Variants in ERC1 observed in about 807,000 individuals in gnomAD.
ERC1 encodes the protein ELKS/RAB6-interacting/CAST family member 1, also known as RAB6 interacting protein 2.
A neutral mutation model predicts 132.0 loss-of-function variants in ERC1; 56 were observed. The ratio of observed to expected loss-of-function variants is 0.42; its 90% CI spans 0.34 to 0.53. The LOEUF (loss-of-function observed/expected upper bound fraction) is 0.53, where lower values mean the gene tolerates loss of function less well. ERC1 is among the 20% of genes least tolerant of loss of function. The pLI, the probability that ERC1 is intolerant of heterozygous loss-of-function variation, is 0.03. For missense variants in ERC1, 1,202 were observed against 1,349.9 expected (o/e 0.89, Z 1.72); for synonymous variants, 478 against 476.1 (o/e 1.00, Z -0.05).
chr12:1,270,154 T>C (rs1033375173), intron 14 of ERC1, among the ~76,000 whole-genome samples: 19 of 152,310 alleles, frequency 1.2e-4, no homozygotes, highest in African/African-American at 4.3e-4. Flanking sequence ...TGAAGGTTTC[T>C]TAGTGCTTAC....
intron 15 of ERC1, among the ~76,000 whole-genome samples, chr12:1,344,202 T>C (rs186995077): frequency 1.1e-3 from 172 of 152,330 alleles, no homozygotes; most frequent in Non-Finnish European, 2.3e-3. Flanking sequence ...AATACTTTTA[T>C]GGGACTCAAA....
At chr12:1,179,984 GA>G (rs892250991) in intron 8 of ERC1, among the ~76,000 whole-genome samples, 2 of 152,202 alleles carry the variant, frequency 1.3e-5, no homozygotes, top group African/African-American at 4.8e-5. Context: ...GAATGGCTAA[GA>G]AAATGTTTGC....
chr12:1,298,536 C>G (rs991035696), intron 15 of ERC1, among the ~76,000 whole-genome samples: 2 of 124,578 alleles, frequency 1.6e-5, no homozygotes, highest in South Asian at 2.6e-4. Flanking sequence ...GAACGAGACT[C>G]TGTCACAAAA....
intron 14 of ERC1, among the ~76,000 whole-genome samples, chr12:1,283,982 A>G (rs780098029): frequency 1.3e-5 from 2 of 152,184 alleles, no homozygotes; most frequent in Non-Finnish European, 2.9e-5. Flanking sequence ...CTACTGTGCT[A>G]TTGAACACTA....
At chr12:1,022,910 G>A (rs1001847560) in intron 1 of ERC1, among the ~76,000 whole-genome samples, 2 of 152,098 alleles carry the variant, frequency 1.3e-5, no homozygotes, top group African/African-American at 4.8e-5. Context: ...TAGCCACCGC[G>A]CCCAGCCTAG....
intron 12 of ERC1, among the ~76,000 whole-genome samples, chr12:1,195,349 C>T (rs536737565): frequency 6.6e-6 from 1 of 152,294 alleles, no homozygotes; most frequent in East Asian, 1.9e-4. Flanking sequence ...TTCAGTTTCT[C>T]CCTTTTGCCT....
chr12:1,451,877 G>T (rs367751028), intron 18 of ERC1, among the ~76,000 whole-genome samples: 7 of 152,250 alleles, frequency 4.6e-5, no homozygotes, highest in African/African-American at 1.7e-4. Context: ...AAGTTAAAAT[G>T]AGGCCATTAG....
intron 17 of ERC1, among the ~76,000 whole-genome samples, chr12:1,418,662 TTTCTTTTCTTTCTTTC>T (rs2092285131): frequency 3.5e-5 from 4 of 112,812 alleles, no homozygotes; most frequent in African/African-American, 1.4e-4. Flanking sequence ...TCTCTCTCTC[TTTCTTTTCTTTCTTTC>T]TTTCTTTCTT....
rs1357369453 is a variant in ERC1 at position 1,122,563 on chromosome 12, C to A, written c.1569+6530C>A. Among the ~76,000 whole-genome samples, 11 of 19,458 alleles carry A rather than the reference C, an allele frequency of 5.7e-4. 2 individuals carry two copies. Among genetic ancestry groups the A allele is most frequent in the African/African-American group, 1.2e-3 (7 of 5,972 alleles). The allele number at this position is 19,458 out of a possible 152,430, so 12.8% of individuals were successfully genotyped here. ...TCTATCTGTGTCTCTATCTCTATCT[C>A]TATCTGTGTCTCTATCTCTATCTCT... On this transcript the variant is annotated intron_variant, in intron 7 of 18. Coordinates refer to ENST00000360905, the MANE Select transcript of ERC1 (RefSeq NM_178040.4).
Position 1,256,580 on chromosome 12 carries a change from C to T in ERC1, c.2488-6454C>T, listed in dbSNP as rs1010484917. Among the ~76,000 whole-genome samples, 6 of 150,526 alleles carry T rather than the reference C, an allele frequency of 4.0e-5. 1 individual carries two copies. Among genetic ancestry groups the T allele is most frequent in the African/African-American group, 1.2e-4 (5 of 40,572 alleles). ...GATGATTGGCCTATCACTGAGTATT[C>T]TTGGTGTTGAACTATTTATGAATAC... On this transcript the variant is annotated intron_variant, in intron 13 of 18. Transcript: ENST00000360905.
At chr12:1,064,136 A>ATTCTC (rs1938612415) in intron 2 of ERC1, among the ~76,000 whole-genome samples, 7 of 152,096 alleles carry the variant, frequency 4.6e-5, no homozygotes, top group Non-Finnish European at 1.0e-4. Flanking sequence ...CTGACTTGTA[A>ATTCTC]AGTTTCTGCT....
chr12:1,217,156 A>G (rs11829479), intron 12 of ERC1, among the ~76,000 whole-genome samples: 5,974 of 152,258 alleles, frequency 0.039, 144 homozygotes, highest in South Asian at 0.066. Context: ...TTAAACAGTG[A>G]AAAAAGTTGA....
intron 3 of ERC1, among the ~76,000 whole-genome samples, chr12:1,097,230 T>C (rs943246479): frequency 6.6e-6 from 1 of 152,172 alleles, no homozygotes; most frequent in African/African-American, 2.4e-5. Flanking sequence ...CTACTTCGTG[T>C]GTATAGAATT....
At chr12:1,036,531 C>T (rs745893829) in intron 2 of ERC1, among the ~76,000 whole-genome samples, 3 of 151,798 alleles carry the variant, frequency 2.0e-5, no homozygotes, top group African/African-American at 2.4e-5. Context: ...CACGCCACCA[C>T]GCCCGGCTAA....
intron 8 of ERC1, among the ~76,000 whole-genome samples, chr12:1,171,568 G>A (rs1447692522): frequency 6.6e-6 from 1 of 151,856 alleles, no homozygotes; most frequent in Non-Finnish European, 1.5e-5. Context: ...AATACTGAAA[G>A]GTATTATTAA....
Position 1,256,418 on chromosome 12 carries a change from TAAAAAAAAA to T in ERC1, c.2488-6607_2488-6599del, listed in dbSNP as rs796558976. Among the ~76,000 whole-genome samples the T allele has an allele frequency of 7.5e-4, 93 of 123,662 alleles. 4 individuals are homozygous for T. Among genetic ancestry groups the T allele is most frequent in the African/African-American group, 2.7e-3 (89 of 32,534 alleles). The allele number at this position is 123,662 out of a possible 152,430, so 81.1% of individuals were successfully genotyped here. A position where few individuals can be genotyped will look rare whatever the true frequency, so the allele number is the denominator to read the frequency against. On this transcript the variant is annotated intron_variant, in intron 13 of 18. Transcript: ENST00000360905. ...GACTCTGAGTATTTCGTTCTCAGAC[TAAAAAAAAA>T]AAAAAAAAGTTGATTCCCCAAACAG...
intron 17 of ERC1, among the ~76,000 whole-genome samples, chr12:1,438,470 T>G (rs1297389837): frequency 6.6e-6 from 1 of 152,160 alleles, no homozygotes; most frequent in East Asian, 1.9e-4. Context: ...CACTAACATT[T>G]ATGCAGTTAA....
intron 1 of ERC1, among the ~76,000 whole-genome samples, chr12:1,000,986 C>T (rs530536823): frequency 5.3e-5 from 8 of 152,218 alleles, no homozygotes; most frequent in Admixed American, 2.0e-4. Flanking sequence ...TCTCGTCTCA[C>T]GGCACCTCCC....
chr12:1,196,951 CACACACACACATATAT>C lies in ERC1; in HGVS notation c.2351+6901_2351+6916del, dbSNP rs1328969454. 2.4e-3 allele frequency among the ~76,000 whole-genome samples: 84 copies of C among 35,552 alleles called. 4 individuals carry two copies. The highest frequency in any genetic ancestry group is 8.0e-3 in the African/African-American group (19 of 2,372). The allele number at this position is 35,552 out of a possible 152,430, so 23.3% of individuals were successfully genotyped here. A position where few individuals can be genotyped will look rare whatever the true frequency, so the allele number is the denominator to read the frequency against. On this transcript the variant is annotated intron_variant, in intron 12 of 18. Transcript: ENST00000360905. ...ACACACACACACACACACACACACACACACACACACATATATATATATATATTTTTTTTTTTTTTTT... is the reference window on the plus strand; with the variant it reads ...ACACACACACACACACACACACACACATATATATATTTTTTTTTTTTTTTT...
Sources: gnomAD v4.1 joint callset for allele counts (sites outside exome capture counted in the v4.1 genomes callset) on GRCh38, gnomAD v4.1.1 for gene constraint, MANE v1.5 for transcripts, NCBI Gene and HGNC (gene_info 2026-07-23, HGNC 2026-07-21) for gene names.